Variants in ZNF385D observed in about 807,000 individuals in gnomAD.
ZNF385D encodes zinc finger protein 659.
In ZNF385D, 15 loss-of-function variants were observed where a neutral mutation model predicts 35.8. That is an observed-to-expected ratio of 0.42 (90% CI 0.28 to 0.64). The LOEUF (loss-of-function observed/expected upper bound fraction) is 0.64. ZNF385D is among the 30% of genes least tolerant of loss of function. The pLI, the probability that ZNF385D is intolerant of heterozygous loss-of-function variation, is 0.23. For synonymous variants in ZNF385D, 212 were observed against 186.8 expected (o/e 1.13, Z -1.10); for missense variants, 474 against 494.6 (o/e 0.96, Z 0.39).
At chr3:21,976,190 T>C (rs536959132) in intron 3 of ZNF385D, among the ~76,000 whole-genome samples, 1 of 152,194 alleles carries the variant, frequency 6.6e-6, no homozygotes, top group East Asian at 1.9e-4. Flanking sequence ...TGCCAGAGGA[T>C]AGGTTAAATT....
At chr3:21,519,715 C>G (rs1217828256) in intron 3 of ZNF385D, among the ~76,000 whole-genome samples, 1 of 152,112 alleles carries the variant, frequency 6.6e-6, no homozygotes, top group Non-Finnish European at 1.5e-5. Flanking sequence ...ACTCTAGTGA[C>G]AGAAGCACAA....
At chr3:22,292,641 T>C (rs1202577494) in intron 2 of ZNF385D, among the ~76,000 whole-genome samples, 1 of 152,098 alleles carries the variant, frequency 6.6e-6, no homozygotes, top group Non-Finnish European at 1.5e-5. Flanking sequence ...CAGACTTCAA[T>C]AGATAAGGGA....
At chr3:22,364,849 A>T (rs1696578678) in intron 2 of ZNF385D, among the ~76,000 whole-genome samples, 2 of 152,122 alleles carry the variant, frequency 1.3e-5, no homozygotes, top group African/African-American at 4.8e-5. Context: ...AAGCAATCTA[A>T]GTGTCTATGG....
chr3:22,062,884 T>G (rs765211317), intron 3 of ZNF385D, among the ~76,000 whole-genome samples: 1 of 152,180 alleles, frequency 6.6e-6, no homozygotes, highest in African/African-American at 2.4e-5. Flanking sequence ...TGAGTCTTCA[T>G]GAAAATGTAT....
intron 4 of ZNF385D, among the ~76,000 whole-genome samples, chr3:21,483,871 CT>C (rs1460908831): frequency 6.6e-6 from 1 of 152,002 alleles, no homozygotes; most frequent in Non-Finnish European, 1.5e-5. Flanking sequence ...ACTAATATTT[CT>C]TTTTTGCAGA....
chr3:21,510,282 C>T (rs192278116), intron 4 of ZNF385D, among the ~76,000 whole-genome samples: 8 of 152,174 alleles, frequency 5.3e-5, no homozygotes, highest in Admixed American at 1.3e-4. Context: ...ATTATTTCAC[C>T]GTGAAGCCTC....
At chr3:22,192,721 A>G (rs1696142806) in intron 2 of ZNF385D, among the ~76,000 whole-genome samples, 1 of 152,166 alleles carries the variant, frequency 6.6e-6, no homozygotes, top group South Asian at 2.1e-4. Flanking sequence ...TCTGAACTCC[A>G]GACCTATAGA....
intron 3 of ZNF385D, among the ~76,000 whole-genome samples, chr3:21,977,753 T>C (rs932966733): frequency 6.6e-6 from 1 of 152,098 alleles, no homozygotes; most frequent in Non-Finnish European, 1.5e-5. Flanking sequence ...AGAGGATCGC[T>C]TGAGCCCAGC....
At chr3:22,171,903 T>G (rs900914117) in intron 2 of ZNF385D, among the ~76,000 whole-genome samples, 4 of 138,260 alleles carry the variant, frequency 2.9e-5, no homozygotes, top group Non-Finnish European at 4.6e-5. Flanking sequence ...AAAAAAAAAA[T>G]TATAGATTTT....
chr3:22,363,460 A>T (rs753227905), intron 2 of ZNF385D, among the ~76,000 whole-genome samples: 1 of 152,076 alleles, frequency 6.6e-6, no homozygotes, highest in African/African-American at 2.4e-5. Flanking sequence ...CAATAACTAA[A>T]CTTCTTTATA....
At chr3:21,834,155 T>C (rs1371180873) in intron 3 of ZNF385D, among the ~76,000 whole-genome samples, 1 of 152,162 alleles carries the variant, frequency 6.6e-6, no homozygotes, top group Non-Finnish European at 1.5e-5. Flanking sequence ...TATAGCTGGC[T>C]GAAGTAGACA....
At chr3:21,919,543 G>A (rs573990375) in intron 3 of ZNF385D, among the ~76,000 whole-genome samples, 1 of 152,316 alleles carries the variant, frequency 6.6e-6, no homozygotes, top group South Asian at 2.1e-4. Context: ...GAGCAGAGAA[G>A]TTTGGGAACA....
At chr3:22,085,233 G>A (rs1264479127) in intron 3 of ZNF385D, among the ~76,000 whole-genome samples, 1 of 152,068 alleles carries the variant, frequency 6.6e-6, no homozygotes, top group Non-Finnish European at 1.5e-5. Flanking sequence ...TAAGATCAGA[G>A]CAGAACTGAA....
chr3:21,416,633 A>C lies in ZNF385D; in HGVS notation c.*4581T>G, dbSNP rs535858737. ...GCTCCAGAGATAAATCTCCCCATGT[A>C]GAAAGAAAAAAAAATCAGCAAAAGT... On this transcript the variant is annotated 3_prime_UTR_variant, in exon 8 of 8. Coordinates refer to ENST00000281523, the MANE Select transcript of ZNF385D (RefSeq NM_024697.3). The C allele has an allele frequency of 6.6e-6, 1 of 152,246 alleles. No homozygotes were observed. The highest frequency in any genetic ancestry group is 2.1e-4 in the South Asian group (1 of 4,826). The allele number at this position is 152,246 out of a possible 1,614,324, so 9.4% of individuals were successfully genotyped here. A position where few individuals can be genotyped will look rare whatever the true frequency, so the allele number is the denominator to read the frequency against.
At chr3:21,675,781 G>A (rs927773432) in intron 1 of ZNF385D, among the ~76,000 whole-genome samples, 1 of 152,016 alleles carries the variant, frequency 6.6e-6, no homozygotes, top group Non-Finnish European at 1.5e-5. Context: ...CATATGTTGA[G>A]TCTACCAGAT....
chr3:21,604,176 A>G (rs545433095), intron 2 of ZNF385D, among the ~76,000 whole-genome samples: 5 of 152,308 alleles, frequency 3.3e-5, no homozygotes, highest in South Asian at 4.1e-4. Flanking sequence ...AGCCTAATAA[A>G]GATAATACCA....
chr3:22,364,299 C>CA (rs1339657781), intron 2 of ZNF385D, among the ~76,000 whole-genome samples: 6 of 151,770 alleles, frequency 4.0e-5, no homozygotes, highest in African/African-American at 1.5e-4. Flanking sequence ...GCAAAAAGGC[C>CA]ATATCAACAA....
intron 3 of ZNF385D, among the ~76,000 whole-genome samples, chr3:22,030,475 G>C (rs564341795): frequency 3.3e-5 from 5 of 150,536 alleles, no homozygotes; most frequent in Admixed American, 2.0e-4. Flanking sequence ...GGGAGAGAGA[G>C]AGACACAGAG....
intron 1 of ZNF385D, among the ~76,000 whole-genome samples, chr3:21,707,494 T>C (rs1363689311): frequency 1.3e-5 from 2 of 152,236 alleles, no homozygotes; most frequent in Non-Finnish European, 2.9e-5. Flanking sequence ...ATATCTCCTT[T>C]AATGACATTG....
Sources: gnomAD v4.1 joint callset for allele counts (sites outside exome capture counted in the v4.1 genomes callset) on GRCh38, gnomAD v4.1.1 for gene constraint, MANE v1.5 for transcripts, NCBI Gene and HGNC (gene_info 2026-07-23, HGNC 2026-07-21) for gene names.